Variants in CCR3 observed in about 807,000 individuals in gnomAD.
CCR3 encodes C-C chemokine receptor type 3.
For missense variants in CCR3, 419 were observed against 437.5 expected, an observed-to-expected ratio of 0.96 and a Z score of 0.38; for synonymous variants, 203 against 179.2, an observed-to-expected ratio of 1.13 and a Z score of -1.06.
chr3:46,252,079 G>GTT (rs753258318), intron 1 of CCR3, among the ~76,000 whole-genome samples: 6 of 151,824 alleles, frequency 4.0e-5, no homozygotes, highest in Non-Finnish European at 7.4e-5. Flanking sequence ...TCTACATGTG[G>GTT]TTATTTAAAT....
At chr3:46,255,310 T>A (rs901656937) in intron 1 of CCR3, among the ~76,000 whole-genome samples, 12 of 152,096 alleles carry the variant, frequency 7.9e-5, no homozygotes, top group African/African-American at 2.7e-4. Flanking sequence ...TTATCAGATG[T>A]GTAGATTGCA....
At chr3:46,249,520 C>T (rs971913857) in intron 1 of CCR3, among the ~76,000 whole-genome samples, 1 of 152,118 alleles carries the variant, frequency 6.6e-6, no homozygotes, top group South Asian at 2.1e-4. Context: ...ACCTAAAGCT[C>T]GGCATCTGTG....
chr3:46,248,228 C>CT (rs912990629), intron 1 of CCR3, among the ~76,000 whole-genome samples: 13 of 152,066 alleles, frequency 8.5e-5, no homozygotes, highest in Non-Finnish European at 1.3e-4. Context: ...TTGTGGGAGA[C>CT]TTAACAAAGA....
At chr3:46,227,985 A>G (rs531585499) in intron 2 of CCR3, among the ~76,000 whole-genome samples, 1 of 152,288 alleles carries the variant, frequency 6.6e-6, no homozygotes, top group East Asian at 1.9e-4. Flanking sequence ...GAAGGTATCT[A>G]CATTTTATAT....
At chr3:46,236,263 C>T (rs1700023099) in intron 2 of CCR3, among the ~76,000 whole-genome samples, 1 of 152,176 alleles carries the variant, frequency 6.6e-6, no homozygotes, top group Admixed American at 6.5e-5. Flanking sequence ...AATACATGGA[C>T]TTGGTTATCT....
upstream of CCR3, among the ~76,000 whole-genome samples, chr3:46,240,241 ATG>A (rs1257603296): frequency 1.3e-5 from 2 of 152,184 alleles, no homozygotes; most frequent in African/African-American, 4.8e-5. Context: ...GAGCTTCTGA[ATG>A]TGTGTCACCC....
upstream of CCR3, among the ~76,000 whole-genome samples, chr3:46,239,423 G>A (rs1700056249): frequency 6.6e-6 from 1 of 152,176 alleles, no homozygotes; most frequent in South Asian, 2.1e-4. Context: ...TATTTATCAA[G>A]CTCCTACCAT....
intron 2 of CCR3, among the ~76,000 whole-genome samples, chr3:46,229,881 A>G (rs1376030386): frequency 6.6e-6 from 1 of 152,172 alleles, no homozygotes; most frequent in Non-Finnish European, 1.5e-5. Flanking sequence ...GAGTCAGAGA[A>G]GCAGGACAGA....
intron 2 of CCR3, among the ~76,000 whole-genome samples, chr3:46,233,693 G>A (rs767888744): frequency 5.3e-5 from 8 of 152,108 alleles, no homozygotes; most frequent in East Asian, 3.9e-4. Flanking sequence ...TTTCTTTCCC[G>A]TGGTAGGAAA....
chr3:46,227,138 C>G (rs1269198537), intron 2 of CCR3, among the ~76,000 whole-genome samples: 1 of 152,066 alleles, frequency 6.6e-6, no homozygotes, highest in Non-Finnish European at 1.5e-5. Context: ...CCTGCCTCAG[C>G]CTCTCAAAGT....
chr3:46,260,256 C>T (rs377748482), intron 1 of CCR3, among the ~76,000 whole-genome samples: 206 of 152,260 alleles, frequency 1.4e-3, no homozygotes, highest in African/African-American at 4.8e-3. Context: ...TGTCATTCTA[C>T]CCCGGCCCCT....
chr3:46,230,454 G>A (rs1402727010), intron 2 of CCR3, among the ~76,000 whole-genome samples: 2 of 152,090 alleles, frequency 1.3e-5, no homozygotes, highest in Non-Finnish European at 2.9e-5. Flanking sequence ...CGGACCTCCA[G>A]GAAGGCAGCA....
chr3:46,231,440 T>G (rs1040900755), intron 2 of CCR3, among the ~76,000 whole-genome samples: 6 of 152,250 alleles, frequency 3.9e-5, no homozygotes, highest in Admixed American at 6.5e-5. Context: ...TTCTGGTTGT[T>G]ACTTGTAGGA....
chr3:46,215,866 G>A (rs576304267), intron 2 of CCR3, among the ~76,000 whole-genome samples: 1 of 152,344 alleles, frequency 6.6e-6, no homozygotes, highest in African/African-American at 2.4e-5. Context: ...GTCATGGGTT[G>A]TAGGGAGCAG....
At position 46,265,407 on chromosome 3, in the gene CCR3, C is replaced by T. The variant is rs774437865; in HGVS notation, c.249C>T (p.Phe83=). ...LLNLAISDLL[F]LVTLPFWIHY... is the part of the protein sequence containing the mutation. ...ACCTGGCCATTTCGGACCTGCTCTTCCTCGTCACCCTTCCATTCTGGATCC... is the reference window on the plus strand; with the variant it reads ...ACCTGGCCATTTCGGACCTGCTCTTTCTCGTCACCCTTCCATTCTGGATCC... The change falls in exon 2 of 2, where the codon TTC becomes TTT. Residue 83 remains phenylalanine (F), a synonymous_variant. Transcript: ENST00000395940. 2.7e-5 allele frequency: 43 copies of T among 1,614,078 alleles called. No individual in the cohort carries two copies. The African/African-American group carries it at 5.2e-4, about 20-fold the overall frequency.
intron 1 of CCR3, among the ~76,000 whole-genome samples, chr3:46,242,983 ATATATATATATATATATATACG>A (rs1454319575): frequency 8.8e-5 from 3 of 34,034 alleles, no homozygotes; most frequent in African/African-American, 2.7e-4. Context: ...ATATATACAC[ATATATATATATATATATATACG>A]CACACACACA....
At chr3:46,242,853 A>C (rs1243119700) in intron 1 of CCR3, among the ~76,000 whole-genome samples, 1 of 151,400 alleles carries the variant, frequency 6.6e-6, no homozygotes, top group Non-Finnish European at 1.5e-5. Context: ...ACTTTCACAA[A>C]TTCTCAACTA....
At chr3:46,218,678 G>T (rs1699802368) in intron 2 of CCR3, among the ~76,000 whole-genome samples, 2 of 152,088 alleles carry the variant, frequency 1.3e-5, no homozygotes, top group South Asian at 4.1e-4. Context: ...TTTAACATAT[G>T]TAAGTCAATA....
At position 46,266,110 on chromosome 3, in the gene CCR3, A is replaced by G. The variant is rs930103346; in HGVS notation, c.952A>G (p.Arg318Gly). 2 of 1,613,930 alleles carry G rather than the reference A, an allele frequency of 1.2e-6. No homozygotes were observed. Among genetic ancestry groups the G allele is most frequent in the African/African-American group, 2.7e-5 (2 of 74,890 alleles). ...GAAGTACCTGCGCCACTTCTTCCAC[A>G]GGCACTTGCTCATGCACCTGGGCAG... is the stretch of plus-strand genomic sequence containing the variant. ...FRKYLRHFFH[R>G]HLLMHLGRYI... Residue 318 changes from arginine to glycine, a missense_variant, in exon 2 of 2, where the codon AGG (arginine) becomes GGG (glycine). Physicochemically the swap from Arg to Gly is moderately radical, Grantham distance 125. Coordinates refer to ENST00000395940, the MANE Select transcript of CCR3 (RefSeq NM_178329.3).
Sources: allele counts gnomAD v4.1 joint callset (sites outside exome capture counted in the v4.1 genomes callset), GRCh38; gene constraint gnomAD v4.1.1; transcripts MANE v1.5; gene names NCBI Gene and HGNC (gene_info 2026-07-23, HGNC 2026-07-21).